TBC1D5: variants seen among roughly 807,000 people sequenced by gnomAD.
The protein encoded by TBC1D5 is TBC1 domain family, member 5.
TBC1D5 carries 75 observed loss-of-function variants against 100.3 expected under a neutral mutation model. The observed-to-expected ratio is 0.75, with a 90% CI of 0.62 to 0.91. TBC1D5 has a LOEUF of 0.91. Among genes scored for constraint, TBC1D5 ranks in the 40% least tolerant of loss-of-function variants. The pLI is 0.00. For missense variants in TBC1D5, 910 were observed against 942.4 expected, an observed-to-expected ratio of 0.97 and a Z score of 0.45; for synonymous variants, 323 against 325.6, an observed-to-expected ratio of 0.99 and a Z score of 0.09.
chr3:17,653,581 T>G (rs1421573842), intron 1 of TBC1D5, among the ~76,000 whole-genome samples: 1 of 152,064 alleles, frequency 6.6e-6, no homozygotes, highest in African/African-American at 2.4e-5. Flanking sequence ...TAGGGTAGAC[T>G]AAGGAGACAT....
intron 14 of TBC1D5, among the ~76,000 whole-genome samples, chr3:17,298,953 A>G (rs2082534066): frequency 6.6e-6 from 1 of 152,216 alleles, no homozygotes; most frequent in Non-Finnish European, 1.5e-5. Context: ...TCAGCCCTAT[A>G]CGTACTATGC....
intron 3 of TBC1D5, among the ~76,000 whole-genome samples, chr3:17,488,532 C>A (rs1227534664): frequency 6.6e-6 from 1 of 152,120 alleles, no homozygotes; most frequent in Admixed American, 6.5e-5. Flanking sequence ...AGAGTATGTA[C>A]AATTTTGTAA....
chr3:17,661,317 A>G (rs1054235816), intron 1 of TBC1D5, among the ~76,000 whole-genome samples: 2 of 151,902 alleles, frequency 1.3e-5, no homozygotes, highest in African/African-American at 4.9e-5. Context: ...TCTTCGAAGT[A>G]TATACAGTCT....
At chr3:17,713,156 A>G (rs1350198279) in intron 1 of TBC1D5, among the ~76,000 whole-genome samples, 1 of 152,168 alleles carries the variant, frequency 6.6e-6, no homozygotes, top group Non-Finnish European at 1.5e-5. Flanking sequence ...CTTCTTAGAT[A>G]TGACACCAAA....
chr3:17,685,181 A>T (rs965216511), intron 1 of TBC1D5, among the ~76,000 whole-genome samples: 1 of 151,556 alleles, frequency 6.6e-6, no homozygotes, highest in Non-Finnish European at 1.5e-5. Flanking sequence ...AAAAAGCTGA[A>T]ATTTTATCTC....
At chr3:17,354,680 T>C (rs765550707) in intron 13 of TBC1D5, among the ~76,000 whole-genome samples, 2 of 151,760 alleles carry the variant, frequency 1.3e-5, no homozygotes, top group African/African-American at 2.4e-5. Flanking sequence ...GCAATCACTG[T>C]AATTTTTACA....
chr3:17,443,239 C>G (rs1163997618), intron 3 of TBC1D5, among the ~76,000 whole-genome samples: 2 of 151,970 alleles, frequency 1.3e-5, no homozygotes, highest in Non-Finnish European at 2.9e-5. Context: ...ATTATCAGGC[C>G]AGAGAGGCAC....
chr3:17,641,758 G>A (rs2064531898), intron 1 of TBC1D5, among the ~76,000 whole-genome samples: 1 of 151,936 alleles, frequency 6.6e-6, no homozygotes, highest in African/African-American at 2.4e-5. Context: ...CTAACTTTAT[G>A]TTAATTGTGC....
intron 18 of TBC1D5, among the ~76,000 whole-genome samples, chr3:17,198,220 G>A (rs937087867): frequency 1.3e-5 from 2 of 152,180 alleles, no homozygotes; most frequent in Non-Finnish European, 2.9e-5. Context: ...AGGGGCTAGG[G>A]CTGGTGTTCC....
At chr3:17,509,730 A>AT (rs1249376078) in intron 2 of TBC1D5, among the ~76,000 whole-genome samples, 15 of 151,978 alleles carry the variant, frequency 9.9e-5, no homozygotes, top group Non-Finnish European at 7.4e-5. Context: ...GTTGTATGAC[A>AT]TTTTTGTGAC....
At chr3:17,649,986 C>T (rs1332369632) in intron 1 of TBC1D5, among the ~76,000 whole-genome samples, 1 of 152,120 alleles carries the variant, frequency 6.6e-6, no homozygotes, top group East Asian at 1.9e-4. Flanking sequence ...AGTTCATGTC[C>T]TTTGCAGGGA....
chr3:17,305,860 T>C (rs1184006353), intron 14 of TBC1D5, among the ~76,000 whole-genome samples: 1 of 152,204 alleles, frequency 6.6e-6, no homozygotes, highest in Non-Finnish European at 1.5e-5. Context: ...TGTTAACTGA[T>C]GTCCTTGCTC....
At chr3:17,250,183 T>C (rs983395042) in intron 16 of TBC1D5, among the ~76,000 whole-genome samples, 2 of 152,232 alleles carry the variant, frequency 1.3e-5, no homozygotes, top group African/African-American at 4.8e-5. Context: ...ACATTACACA[T>C]TGAGTCCATC....
At chr3:17,332,629 T>G (rs1441189262) in intron 13 of TBC1D5, among the ~76,000 whole-genome samples, 1 of 149,958 alleles carries the variant, frequency 6.7e-6, no homozygotes, top group African/African-American at 2.5e-5. Context: ...GAAAAATGAA[T>G]TAATAAAGGA....
chr3:17,713,743 AAAG>A (rs1001175778), intron 1 of TBC1D5, among the ~76,000 whole-genome samples: 1 of 152,348 alleles, frequency 6.6e-6, no homozygotes, highest in Admixed American at 6.5e-5. Flanking sequence ...ACATATCTCC[AAAG>A]AAGATATTCA....
At chr3:17,602,368 T>G (rs1055487548) in intron 2 of TBC1D5, among the ~76,000 whole-genome samples, 9 of 152,126 alleles carry the variant, frequency 5.9e-5, no homozygotes, top group Non-Finnish European at 1.3e-4. Context: ...TGATTTCCTC[T>G]GACTTATCTT....
chr3:17,316,872 A>T (rs1357308627), intron 13 of TBC1D5, among the ~76,000 whole-genome samples: 1 of 152,214 alleles, frequency 6.6e-6, no homozygotes, highest in Non-Finnish European at 1.5e-5. Flanking sequence ...TGATCATAAG[A>T]CTGGTATGAA....
intron 1 of TBC1D5, among the ~76,000 whole-genome samples, chr3:17,696,440 TACA>T (rs2072092927): frequency 6.6e-6 from 1 of 152,054 alleles, no homozygotes; most frequent in Non-Finnish European, 1.5e-5. Flanking sequence ...TACACAGAAA[TACA>T]AACTACCATC....
chr3:17,484,244 C>T (rs1277143994), intron 3 of TBC1D5, among the ~76,000 whole-genome samples: 2 of 152,162 alleles, frequency 1.3e-5, no homozygotes, highest in Non-Finnish European at 2.9e-5. Context: ...CTGTCACACT[C>T]CTGATGTCAT....
Sources: allele counts gnomAD v4.1 joint callset (sites outside exome capture counted in the v4.1 genomes callset), GRCh38; gene constraint gnomAD v4.1.1; transcripts MANE v1.5; gene names NCBI Gene and HGNC (gene_info 2026-07-23, HGNC 2026-07-21).